The following SVIL variants were observed in gnomAD, a reference collection of about 807,000 sequenced individuals.
SVIL encodes the protein archvillin.
A neutral mutation model predicts 240.4 loss-of-function variants in SVIL; 101 were observed. That is an observed-to-expected ratio of 0.42 (90% CI 0.36 to 0.50). SVIL has a LOEUF of 0.50. Ranked by LOEUF, SVIL falls within the 20% of genes least tolerant of loss-of-function variation. The probability of loss-of-function intolerance (pLI) is 0.01; values close to 1 mark genes in which losing one functional copy is unlikely to be tolerated. For synonymous variants in SVIL, 999 were observed against 1,100.0 expected (o/e 0.91, Z 1.82); for missense variants, 2,512 against 2,818.7 (o/e 0.89, Z 2.46).
intron 1 of SVIL, among the ~76,000 whole-genome samples, chr10:29,585,779 G>A (rs7893794): frequency 0.43 from 65,458 of 152,116 alleles, 14,236 homozygotes; most frequent in Admixed American, 0.47. Flanking sequence ...CTGAAGCCGG[G>A]GTCCGGAGCA....
intron 17 of SVIL, among the ~76,000 whole-genome samples, chr10:29,500,785 A>T (rs2025854): frequency 0.64 from 97,091 of 151,914 alleles, 31,908 homozygotes; most frequent in African/African-American, 0.78. Flanking sequence ...CCGAGTCAAG[A>T]CCATCCTAGA....
intron 29 of SVIL, among the ~76,000 whole-genome samples, chr10:29,478,098 C>T (rs66478260): frequency 0.095 from 14,469 of 152,168 alleles, 871 homozygotes; most frequent in Non-Finnish European, 0.13. Flanking sequence ...TTAGTTTGTT[C>T]TTTAAAGTTC....
chr10:29,635,765 C>T (rs148206936), upstream of SVIL, among the ~76,000 whole-genome samples: 560 of 152,286 alleles, frequency 3.7e-3, 5 homozygotes, highest in African/African-American at 0.013. Context: ...CTGTCCCTGT[C>T]GGTACCAAGA....
At chr10:29,691,912 A>C (rs1589522626) in intron 1 of SVIL, among the ~76,000 whole-genome samples, 1 of 152,182 alleles carries the variant, frequency 6.6e-6, no homozygotes, top group South Asian at 2.1e-4. Flanking sequence ...CGCTAAGGAA[A>C]ACAGATGAGC....
At chr10:29,662,531 C>T (rs577465085) in intron 2 of SVIL, among the ~76,000 whole-genome samples, 2 of 152,326 alleles carry the variant, frequency 1.3e-5, no homozygotes, top group African/African-American at 4.8e-5. Context: ...TGCACAGTGA[C>T]CTGCAGACAT....
intron 3 of SVIL, chr10:29,647,206 T>C (rs1359068961): frequency 3.3e-5 from 5 of 152,222 alleles, no homozygotes; most frequent in Non-Finnish European, 7.3e-5. Context: ...CTTCAAGAAG[T>C]ACACCAAAGC....
rs1951500181 is a variant in SVIL at position 29,533,163 on chromosome 10, G to T, written c.1204C>A (p.Pro402Thr). 6.2e-7 allele frequency: 1 copy of T among 1,614,118 alleles called. No individual in the cohort carries two copies. The highest frequency in any genetic ancestry group is 1.3e-5 in the African/African-American group (1 of 75,012). Reference sequence around the variant, plus strand: ...AGAACCGTCAAGCTGGGAGGTTTGGGGACATTCTGGGTGGCTGATGCTACC... The same window carrying T: ...AGAACCGTCAAGCTGGGAGGTTTGGTGACATTCTGGGTGGCTGATGCTACC... ...SWVASATQNV[P>T]KPPSLTVLEG... The change falls in exon 8 of 38, where the codon CCC becomes ACC. Residue 402 changes from proline (P) to threonine (T), a missense_variant. By Grantham distance (38) the Pro-to-Thr change is conservative. This residue lies in a region of SVIL where 1,443 missense variants were observed against 1,486.6 expected (regional missense o/e 0.97). Coordinates refer to ENST00000355867, the MANE Select transcript of SVIL (RefSeq NM_021738.3).
At chr10:29,726,547 G>C (rs912451553) in intron 1 of SVIL, among the ~76,000 whole-genome samples, 42 of 151,978 alleles carry the variant, frequency 2.8e-4, no homozygotes, top group Non-Finnish European at 5.0e-4. Context: ...AGGAGTTCGA[G>C]ACCAGACTGG....
chr10:29,708,205 C>T (rs557363569), intron 1 of SVIL, among the ~76,000 whole-genome samples: 2 of 138,858 alleles, frequency 1.4e-5, no homozygotes, highest in East Asian at 4.2e-4. Context: ...TTGCAGTGAG[C>T]CGATATTGTG....
chr10:29,547,170 G>T (rs1245071508), intron 6 of SVIL, among the ~76,000 whole-genome samples: 2 of 152,118 alleles, frequency 1.3e-5, no homozygotes, highest in Admixed American at 1.3e-4. Context: ...CCTGGTTCTA[G>T]ATAAAGACTA....
intron 27 of SVIL, chr10:29,483,307 C>A (rs1947082240): frequency 6.6e-6 from 1 of 152,210 alleles, no homozygotes; most frequent in African/African-American, 2.4e-5. Flanking sequence ...CCAGGGGTTT[C>A]TCTACCCCCT....
chr10:29,511,801 G>T (rs1949860186), intron 17 of SVIL, among the ~76,000 whole-genome samples: 1 of 152,186 alleles, frequency 6.6e-6, no homozygotes, highest in Non-Finnish European at 1.5e-5. Context: ...AGGAAATAGT[G>T]TCAGAACTCC....
chr10:29,735,084 G>A lies in SVIL; in HGVS notation c.-400+667C>T, dbSNP rs1964820513. 1.3e-5 allele frequency among the ~76,000 whole-genome samples: 2 copies of A among 151,456 alleles called. No homozygotes were observed. Among genetic ancestry groups the A allele is most frequent in the African/African-American group, 4.9e-5 (2 of 41,212 alleles). On this transcript the variant is annotated intron_variant, in intron 1 of 35. Coordinates refer to the SVIL transcript ENST00000375400. This position sits in a 1 kb window ranked among gnomAD's most constrained non-coding sequence, Gnocchi z 4.1. The stretch of plus-strand genomic sequence containing the variant: ...ACTGTAATGCAATTACCGCCTTCTG[G>A]AGCTCCACTCGGGGTGCCAGGGACT...
Position 29,458,549 on chromosome 10 carries a change from A to T in SVIL, c.6443T>A (p.Val2148Asp), listed in dbSNP as rs1255523257. The T allele has an allele frequency of 1.9e-6, 3 of 1,612,090 alleles. No individual in the cohort carries two copies. Among genetic ancestry groups the T allele is most frequent in the Admixed American group, 1.7e-5 (1 of 59,588 alleles). The change falls in exon 37 of 38, where the codon GTC becomes GAC. Residue 2148 changes from valine to aspartate, a missense_variant. Physicochemically the swap from Val to Asp is radical, Grantham distance 152. This residue lies in a region of SVIL where 797 missense variants were observed against 925.3 expected (regional missense o/e 0.86). Transcript: ENST00000355867. ...AATGGTTTTACAGAGCTTGGCTAAG[A>T]CGTCTTCCACGAGGGTGATCTGATT... ...VSNQITLVEDVLAKLCKTIYP... is the reference protein window; with the variant it reads ...VSNQITLVEDDLAKLCKTIYP...
intron 36 of SVIL, among the ~76,000 whole-genome samples, chr10:29,461,326 G>A (rs1374280524): frequency 2.6e-5 from 4 of 152,034 alleles, no homozygotes; most frequent in Non-Finnish European, 4.4e-5. Flanking sequence ...ATCTCGTTCC[G>A]GCTGCGGCAG....
At chr10:29,608,169 C>T (rs1362680733) in intron 1 of SVIL, among the ~76,000 whole-genome samples, 1 of 152,182 alleles carries the variant, frequency 6.6e-6, no homozygotes, top group African/African-American at 2.4e-5. Context: ...CTTCAGGTGC[C>T]CTCACTCATG....
intron 16 of SVIL, among the ~76,000 whole-genome samples, chr10:29,516,734 CCTGGCCCAGG>C (rs1018488403): frequency 6.6e-6 from 1 of 152,236 alleles, no homozygotes; most frequent in African/African-American, 2.4e-5. Flanking sequence ...TCACCCAACG[CCTGGCCCAGG>C]GCCACCGTGA....
Position 29,472,767 on chromosome 10 carries a change from C to A in SVIL, c.5529+1071G>T, listed in dbSNP as rs1945733055. Among the ~76,000 whole-genome samples, 6 of 152,060 alleles carry A rather than the reference C, an allele frequency of 3.9e-5. No homozygotes were observed. The South Asian group carries it at 1.2e-3, about 32-fold the overall frequency. On this transcript the variant is annotated intron_variant, in intron 30 of 37. Coordinates refer to ENST00000355867, the MANE Select transcript of SVIL (RefSeq NM_021738.3). ...CAGTCCCTCCCAGGCACGATGCAGGCCCTGGGATGATAAGGCCATGGGGTT... is the reference window on the plus strand; with the variant it reads ...CAGTCCCTCCCAGGCACGATGCAGGACCTGGGATGATAAGGCCATGGGGTT...
intron 2 of SVIL, among the ~76,000 whole-genome samples, chr10:29,677,524 C>T (rs576274076): frequency 7.9e-5 from 12 of 152,224 alleles, no homozygotes; most frequent in Middle Eastern, 3.4e-3. Context: ...ATGGAGCCCA[C>T]GTAATCCTCC....
Sources: allele counts gnomAD v4.1 joint callset (sites outside exome capture counted in the v4.1 genomes callset), GRCh38; gene constraint gnomAD v4.1.1; regional missense constraint gnomAD v4.1.1; non-coding constraint Gnocchi (gnomAD v3.1); transcripts MANE v1.5; gene names NCBI Gene and HGNC (gene_info 2026-07-23, HGNC 2026-07-21).